Variants in SPMAP2L observed in about 807,000 individuals in gnomAD.
SPMAP2L encodes sperm microtubule associated protein 2 like.
At chr4:56,563,893 G>C in the SPMAP2L span, among the ~76,000 whole-genome samples, 2 of 152,094 alleles carry the variant, frequency 1.3e-5, no homozygotes, top group Admixed American at 1.3e-4. Context: ...CGGTAATGGT[G>C]TCCTCATAGA....
chr4:56,597,866 G>A, the SPMAP2L span, among the ~76,000 whole-genome samples: 1 of 151,460 alleles, frequency 6.6e-6, no homozygotes, highest in Admixed American at 6.6e-5. Flanking sequence ...TTTTGTGATG[G>A]TGGTGTTTTT....
chr4:56,603,425 G>C, the SPMAP2L span: 1 of 749,656 alleles, frequency 1.3e-6, no homozygotes, highest in Non-Finnish European at 2.0e-6. Context: ...TTCACCCCTT[G>C]CTTCCCCTCC....
At chr4:56,568,349 G>T in the SPMAP2L span, among the ~76,000 whole-genome samples, 1 of 151,948 alleles carries the variant, frequency 6.6e-6, no homozygotes, top group Non-Finnish European at 1.5e-5. Context: ...TTTTTATTGG[G>T]TACCAAATAT....
At chr4:56,603,432 C>G in the SPMAP2L span, 4 of 718,224 alleles carry the variant, frequency 5.6e-6, no homozygotes, top group South Asian at 8.4e-5. Flanking sequence ...CTTGCTTCCC[C>G]TCCCACAAAA....
At chr4:56,551,503 TC>T in the SPMAP2L span, among the ~76,000 whole-genome samples, 22 of 53,538 alleles carry the variant, frequency 4.1e-4, no homozygotes, top group Middle Eastern at 0.011. Flanking sequence ...TCAGTTCAAT[TC>T]GGGGGTGTCA....
chr4:56,589,419 C>CT, the SPMAP2L span, among the ~76,000 whole-genome samples: 3 of 152,092 alleles, frequency 2.0e-5, no homozygotes, highest in Admixed American at 2.0e-4. Flanking sequence ...TATTCAGGCT[C>CT]TTTTTTGGTT....
At chr4:56,575,718 G>C in the SPMAP2L span, 1 of 1,417,836 alleles carries the variant, frequency 7.1e-7, no homozygotes. Context: ...TCTAATTTTA[G>C]TGTGTGCAAT....
chr4:56,623,547 C>T, the SPMAP2L span, among the ~76,000 whole-genome samples: 2 of 152,204 alleles, frequency 1.3e-5, no homozygotes, highest in Non-Finnish European at 2.9e-5. Flanking sequence ...TTGGCTGTGT[C>T]CCCACTCAAA....
At chr4:56,539,099 A>G in the SPMAP2L span, among the ~76,000 whole-genome samples, 2 of 152,320 alleles carry the variant, frequency 1.3e-5, no homozygotes, top group East Asian at 1.9e-4. Context: ...AAGACATGGC[A>G]TTTTGGTTGT....
the SPMAP2L span, among the ~76,000 whole-genome samples, chr4:56,592,010 C>T: frequency 5.3e-5 from 8 of 152,142 alleles, no homozygotes; most frequent in African/African-American, 1.4e-4. Context: ...GGACCAATAC[C>T]GGTCCGTGGC....
At chr4:56,566,299 A>G in the SPMAP2L span, among the ~76,000 whole-genome samples, 2 of 152,100 alleles carry the variant, frequency 1.3e-5, no homozygotes, top group Admixed American at 6.6e-5. Context: ...TCCGGATTCA[A>G]GCAATTCTCT....
At chr4:56,592,939 G>C in the SPMAP2L span, 1,229 of 1,604,542 alleles carry the variant, frequency 7.7e-4, no homozygotes, top group Non-Finnish European at 1.0e-3. Context: ...TCGAGAAGAC[G>C]GTCCCTGCCA....
At chr4:56,610,817 C>A in the SPMAP2L span, among the ~76,000 whole-genome samples, 10 of 152,040 alleles carry the variant, frequency 6.6e-5, no homozygotes, top group Admixed American at 3.3e-4. Flanking sequence ...GGAAGATATA[C>A]AAATGGCCAA....
chr4:56,578,734 T>C, the SPMAP2L span, among the ~76,000 whole-genome samples: 4,388 of 152,102 alleles, frequency 0.029, 207 homozygotes, highest in African/African-American at 0.1. Flanking sequence ...AGACAAACAT[T>C]GTTACTAAAG....
the SPMAP2L span, among the ~76,000 whole-genome samples, chr4:56,616,631 A>C: frequency 6.6e-6 from 1 of 152,224 alleles, no homozygotes; most frequent in Non-Finnish European, 1.5e-5. Context: ...AAAGTGAGCT[A>C]GTGGTCAGTG....
At chr4:56,548,385 T>G in the SPMAP2L span, among the ~76,000 whole-genome samples, 2 of 152,206 alleles carry the variant, frequency 1.3e-5, no homozygotes, top group African/African-American at 4.8e-5. Context: ...ATCTGTACAT[T>G]TATACTCTTC....
chr4:56,547,750 G>A, the SPMAP2L span, among the ~76,000 whole-genome samples: 1 of 152,000 alleles, frequency 6.6e-6, no homozygotes, highest in African/African-American at 2.4e-5. Context: ...ACTCTTGGAT[G>A]GGATTAAAAA....
the SPMAP2L span, among the ~76,000 whole-genome samples, chr4:56,558,223 C>A: frequency 2.0e-5 from 3 of 152,160 alleles, no homozygotes; most frequent in African/African-American, 7.2e-5. Context: ...CTGCCTTGGC[C>A]TCCCAAACTG....
the SPMAP2L span, among the ~76,000 whole-genome samples, chr4:56,550,980 G>T: frequency 6.6e-6 from 1 of 150,722 alleles, no homozygotes; most frequent in African/African-American, 2.4e-5. Context: ...AGGCTGAGAG[G>T]TTATACAAAT....
Sources: allele counts gnomAD v4.1 joint callset (sites outside exome capture counted in the v4.1 genomes callset), GRCh38; gene constraint gnomAD v4.1.1; transcripts MANE v1.5; gene names NCBI Gene and HGNC (gene_info 2026-07-23, HGNC 2026-07-21).